Variants in BICD1 observed in about 807,000 individuals in gnomAD.
The protein encoded by BICD1 is protein bicaudal D homolog 1.
In BICD1, 35 loss-of-function variants were observed where a neutral mutation model predicts 92.5. The observed-to-expected ratio is 0.38, with a 90% CI of 0.29 to 0.50. The LOEUF (loss-of-function observed/expected upper bound fraction) is 0.50, where lower values mean the gene tolerates loss of function less well. Among genes scored for constraint, BICD1 ranks in the 20% least tolerant of loss-of-function variants. The probability of loss-of-function intolerance (pLI) is 0.93; values close to 1 mark genes in which losing one functional copy is unlikely to be tolerated. For synonymous variants in BICD1, 429 were observed against 465.1 expected, an observed-to-expected ratio of 0.92 and a Z score of 1.00; for missense variants, 950 against 1,189.8, an observed-to-expected ratio of 0.80 and a Z score of 2.97.
intron 1 of BICD1, among the ~76,000 whole-genome samples, chr12:32,191,894 C>T (rs1944579275): frequency 6.6e-6 from 1 of 151,888 alleles, no homozygotes; most frequent in Non-Finnish European, 1.5e-5. Flanking sequence ...TTGAGCCTCC[C>T]TATTCCCTGA....
intron 2 of BICD1, among the ~76,000 whole-genome samples, chr12:32,232,673 T>C (rs914649265): frequency 1.3e-5 from 2 of 152,150 alleles, no homozygotes; most frequent in African/African-American, 4.8e-5. Context: ...CATGCCTATG[T>C]CCTGAATGGT....
chr12:32,374,300 C>G (rs1939847326), intron 9 of BICD1, among the ~76,000 whole-genome samples: 1 of 151,794 alleles, frequency 6.6e-6, no homozygotes, highest in Non-Finnish European at 1.5e-5. Context: ...CCATAAATCA[C>G]ATTGCATAAT....
chr12:32,346,851 T>C (rs116536947), intron 8 of BICD1, among the ~76,000 whole-genome samples: 118 of 150,364 alleles, frequency 7.8e-4, no homozygotes, highest in African/African-American at 2.7e-3. Context: ...TAGTTTTAAC[T>C]AGATAGAATT....
At chr12:32,302,699 T>A (rs1412914349) in intron 3 of BICD1, among the ~76,000 whole-genome samples, 1 of 152,322 alleles carries the variant, frequency 6.6e-6, no homozygotes, top group East Asian at 1.9e-4. Context: ...AAGACAGTTA[T>A]TGGTAGTATG....
chr12:32,382,438 A>G lies in BICD1; in HGVS notation c.*4811A>G, dbSNP rs1940214820. 1.3e-5 allele frequency: 2 copies of G among 152,144 alleles called. No homozygotes were observed. Among genetic ancestry groups the G allele is most frequent in the Admixed American group, 1.3e-4 (2 of 15,278 alleles). The allele number at this position is 152,144 out of a possible 1,614,324, so 9.4% of individuals were successfully genotyped here. On this transcript the variant is annotated 3_prime_UTR_variant, in exon 10 of 10. Transcript: ENST00000652176. ...TTCCCATATTCATAAGATGAACACT[A>G]TAGAAGTCTCATTTCTCTGTGATCT... is the stretch of plus-strand genomic sequence containing the variant.
intron 1 of BICD1, among the ~76,000 whole-genome samples, chr12:32,204,844 CA>C (rs1364799869): frequency 1.3e-5 from 2 of 152,194 alleles, no homozygotes; most frequent in African/African-American, 4.8e-5. Flanking sequence ...CTGTTGAACG[CA>C]GTGTGAATTA....
At chr12:32,119,914 A>G (rs1268952696) in intron 1 of BICD1, among the ~76,000 whole-genome samples, 1 of 152,202 alleles carries the variant, frequency 6.6e-6, no homozygotes, top group African/African-American at 2.4e-5. Flanking sequence ...GAGCTAATAC[A>G]TAAACCTTCA....
chr12:32,185,701 A>T (rs369852199), intron 1 of BICD1, among the ~76,000 whole-genome samples: 1 of 152,194 alleles, frequency 6.6e-6, no homozygotes, highest in Admixed American at 6.5e-5. Context: ...CCTGGCATCA[A>T]TGACGCAGGG....
At chr12:32,162,561 A>C (rs866599378) in intron 1 of BICD1, among the ~76,000 whole-genome samples, 1 of 152,234 alleles carries the variant, frequency 6.6e-6, no homozygotes, top group Non-Finnish European at 1.5e-5. Context: ...TAAGAAAAAC[A>C]GTACGATATG....
intron 3 of BICD1, among the ~76,000 whole-genome samples, chr12:32,302,880 ATTT>A (rs371035402): frequency 1.8e-5 from 2 of 109,904 alleles, no homozygotes; most frequent in African/African-American, 3.6e-5. Flanking sequence ...TCCAATGACC[ATTT>A]TTTTTTTTTT....
chr12:32,218,595 AT>A (rs1347346184), intron 2 of BICD1, among the ~76,000 whole-genome samples: 1 of 152,230 alleles, frequency 6.6e-6, no homozygotes, highest in Non-Finnish European at 1.5e-5. Flanking sequence ...TGATTCTTCA[AT>A]TTTTATGCAT....
intron 8 of BICD1, among the ~76,000 whole-genome samples, chr12:32,350,299 A>G (rs1388670190): frequency 6.6e-6 from 1 of 152,090 alleles, no homozygotes; most frequent in East Asian, 1.9e-4. Flanking sequence ...CCTGGGCAAC[A>G]TGGTGAAACC....
chr12:32,368,438 T>G (rs961082018), intron 9 of BICD1, among the ~76,000 whole-genome samples: 1 of 152,180 alleles, frequency 6.6e-6, no homozygotes, highest in East Asian at 1.9e-4. Context: ...CTCACACCCG[T>G]AATCCCAGCA....
At chr12:32,142,427 AAAAAC>A (rs1488769784) in intron 1 of BICD1, among the ~76,000 whole-genome samples, 515 of 48,450 alleles carry the variant, frequency 0.011, 23 homozygotes, top group South Asian at 0.018. Flanking sequence ...AAAAAAAAAA[AAAAAC>A]AAAAAACCCC....
chr12:32,122,361 C>T (rs757603032), intron 1 of BICD1, among the ~76,000 whole-genome samples: 31 of 151,694 alleles, frequency 2.0e-4, no homozygotes, highest in Admixed American at 3.3e-4. Context: ...TGGTGGTGGG[C>T]GCCTGTAGTC....
chr12:32,153,047 T>G (rs1456527592), intron 1 of BICD1, among the ~76,000 whole-genome samples: 2 of 152,178 alleles, frequency 1.3e-5, no homozygotes, highest in Non-Finnish European at 2.9e-5. Context: ...TACAGTAGTT[T>G]TTCAACCCTT....
At chr12:32,369,552 G>T (rs560390176) in intron 9 of BICD1, among the ~76,000 whole-genome samples, 2 of 152,368 alleles carry the variant, frequency 1.3e-5, no homozygotes, top group East Asian at 1.9e-4. Flanking sequence ...TCTCAGAGGC[G>T]GTTGTGCAGC....
intron 2 of BICD1, among the ~76,000 whole-genome samples, chr12:32,241,860 T>G (rs1019602342): frequency 2.0e-5 from 3 of 151,866 alleles, no homozygotes; most frequent in Non-Finnish European, 4.4e-5. Flanking sequence ...TCCAGGAAAT[T>G]TTATTGAAGG....
rs189052135 is a variant in BICD1 at position 32,330,653 on chromosome 12, T to A, written c.2100+2098T>A. ...GAAGAATTTGTGAGAGATCTGACTC[T>A]AATTTTAGGTCGGAATAAAGGAATT... is the stretch of plus-strand genomic sequence containing the variant. On this transcript the variant is annotated intron_variant, in intron 5 of 9. Transcript: ENST00000652176. Among the ~76,000 whole-genome samples the A allele has an allele frequency of 1.5e-3, 227 of 151,906 alleles. 4 individuals carry two copies. Among genetic ancestry groups the A allele is most frequent in the Admixed American group, 0.012 (187 of 15,264 alleles).
Sources: allele counts gnomAD v4.1 joint callset (sites outside exome capture counted in the v4.1 genomes callset), GRCh38; gene constraint gnomAD v4.1.1; transcripts MANE v1.5; gene names NCBI Gene and HGNC (gene_info 2026-07-23, HGNC 2026-07-21).